The following SCAMP4 variants were observed in gnomAD, a reference collection of about 807,000 sequenced individuals.
SCAMP4 encodes secretory carrier-associated membrane protein 4.
In SCAMP4, 19 loss-of-function variants were observed where a neutral mutation model predicts 32.1. That is an observed-to-expected ratio of 0.59 (90% CI 0.41 to 0.87). The LOEUF (loss-of-function observed/expected upper bound fraction) is 0.87. SCAMP4 is among the 40% of genes least tolerant of loss of function. SCAMP4 has a pLI of 0.00. For missense variants in SCAMP4, 302 were observed against 309.0 expected (o/e 0.98, Z 0.17); for synonymous variants, 152 against 132.7 (o/e 1.15, Z -1.00).
intron 2 of SCAMP4, among the ~76,000 whole-genome samples, chr19:1,916,439 G>A (rs1487828571): frequency 2.0e-5 from 3 of 152,104 alleles, no homozygotes; most frequent in East Asian, 1.9e-4. Context: ...CTCCAGGACT[G>A]TTAGCAGATA....
intron 5 of SCAMP4, chr19:1,920,612 C>T: frequency 2.0e-6 from 2 of 985,516 alleles, no homozygotes; most frequent in Non-Finnish European, 2.4e-6. Flanking sequence ...GGACTCCCAG[C>T]TCTGCCAGCC....
chr19:1,922,062 C>T (rs183332056), intron 5 of SCAMP4: 156 of 985,444 alleles, frequency 1.6e-4, no homozygotes, highest in East Asian at 6.8e-4. Flanking sequence ...GACTGTACGT[C>T]GTGCCTGCCT....
In SCAMP4 at chr19:1,921,236, G is replaced by A. The variant is rs1387440969; in HGVS notation, c.396-1834G>A. 4 of 985,054 alleles carry A rather than the reference G, an allele frequency of 4.1e-6. No individual in the cohort carries two copies. In the East Asian group the frequency reaches 3.4e-4, roughly 84 times the overall value. The allele number at this position is 985,054 out of a possible 1,614,324, so 61.0% of individuals were successfully genotyped here. On this transcript the variant is annotated intron_variant, in intron 5 of 6. Coordinates refer to ENST00000316097, the MANE Select transcript of SCAMP4 (RefSeq NM_079834.4). ...CACACACTCTGTGCACTGCTGTGGG[G>A]CAAGAGGCGACAGCCCCGCTCTCCC...
At chr19:1,912,025 C>T (rs1039219023) in intron 1 of SCAMP4, 1 of 1,417,798 alleles carries the variant, frequency 7.1e-7, no homozygotes, top group Non-Finnish European at 9.2e-7. Flanking sequence ...CCCGGCTCTC[C>T]CCCAGCCGCC....
rs151017829 is a variant in SCAMP4, at chr19:1,920,860, C to T, written c.395+1870C>T. On this transcript the variant is annotated intron_variant, in intron 5 of 6. Coordinates refer to ENST00000316097, the MANE Select transcript of SCAMP4 (RefSeq NM_079834.4). ...TGAGATCCCGGCATGAGGTGAGTGC[C>T]CACATGTGACCCTCAGAGACCTCCC... The T allele has an allele frequency of 1.2e-3, 1,178 of 985,484 alleles. 1 individual carries two copies. Among genetic ancestry groups the T allele is most frequent in the Non-Finnish European group, 1.3e-3 (1,119 of 829,992 alleles). 61.0% of individuals were successfully genotyped at this position (985,484 alleles called of 1,614,324 possible).
chr19:1,913,063 T>C (rs2013580170), intron 1 of SCAMP4: 1 of 1,602,688 alleles, frequency 6.2e-7, no homozygotes. Context: ...CGCTTCCGCA[T>C]CCACGCACGG....
In SCAMP4 at chr19:1,911,562, C is replaced by T. The variant is rs192209722; in HGVS notation, c.-41-3417C>T. Among the ~76,000 whole-genome samples, 58 of 152,310 alleles carry T rather than the reference C, an allele frequency of 3.8e-4. 2 individuals are homozygous for T. In the East Asian group the frequency reaches 7.7e-3, roughly 20 times the overall value. ...CCACCAGGTTGAAGCGGGTGGATCA[C>T]GTGAGGTTAGGAGTTCGAGACCAGC... is the stretch of plus-strand genomic sequence containing the variant. On this transcript the variant is annotated intron_variant, in intron 1 of 6. Transcript: ENST00000316097.
chr19:1,923,255 C>A, intron 6 of SCAMP4, 68 bp downstream of exon 6: 2 of 1,381,568 alleles, frequency 1.4e-6, no homozygotes, highest in Non-Finnish European at 2.0e-6. Flanking sequence ...CCAACTGTCC[C>A]AGGTGGGTGA....
chr19:1,915,000 C>T lies in SCAMP4; in HGVS notation c.-20C>T, dbSNP rs374528222. Reference sequence around the variant, plus strand: ...CCAGGCGGCTGCAGGCTTCAGCCTGCGCTGGTTGGTGAAACAGAGATGTCA... The same window carrying T: ...CCAGGCGGCTGCAGGCTTCAGCCTGTGCTGGTTGGTGAAACAGAGATGTCA... On this transcript the variant is annotated 5_prime_UTR_variant, in exon 2 of 7. Transcript: ENST00000316097. The T allele has an allele frequency of 1.3e-5, 21 of 1,613,726 alleles. No homozygotes were observed. The highest frequency in any genetic ancestry group is 1.7e-5 in the Admixed American group (1 of 59,994).
At chr19:1,907,308 C>T (rs1223583465) in intron 1 of SCAMP4, 4 of 151,558 alleles carry the variant, frequency 2.6e-5, no homozygotes, top group South Asian at 2.1e-4. Context: ...TCACTGCCTC[C>T]GAGGAGCCCT....
chr19:1,924,135 G>A lies in SCAMP4; in HGVS notation c.541G>A (p.Gly181Arg), dbSNP rs201067147. The A allele has an allele frequency of 1.9e-5, 31 of 1,610,820 alleles. No homozygotes were observed. Among genetic ancestry groups the A allele is most frequent in the Middle Eastern group, 1.7e-4 (1 of 6,052 alleles). The change falls in exon 7 of 7, where the codon GGA becomes AGA. Residue 181 changes from glycine to arginine, a missense_variant. Coordinates refer to ENST00000316097, the MANE Select transcript of SCAMP4 (RefSeq NM_079834.4). The stretch of plus-strand genomic sequence containing the variant: ...GCACAGGATCTACCGAGGGGCTGGC[G>A]GAAGCTTCCAGAAGGCACAGACGGA... ...KVHRIYRGAG[G>R]SFQKAQTEWN...
chr19:1,924,126 G>C lies in SCAMP4; in HGVS notation c.532G>C (p.Gly178Arg). Residue 178 changes from glycine to arginine, a missense_variant, in exon 7 of 7, where the codon GGG (glycine) becomes CGG (arginine). Transcript: ENST00000316097. The stretch of plus-strand genomic sequence containing the variant: ...CTTGCAGGTGCACAGGATCTACCGA[G>C]GGGCTGGCGGAAGCTTCCAGAAGGC... ...AIMKVHRIYR[G>R]AGGSFQKAQT... 6.2e-7 allele frequency: 1 copy of C among 1,610,622 alleles called. No homozygotes were observed. The highest frequency in any genetic ancestry group is 1.1e-5 in the South Asian group (1 of 90,504).
intron 5 of SCAMP4, chr19:1,921,696 G>A: frequency 1.0e-6 from 1 of 985,334 alleles, no homozygotes; most frequent in Non-Finnish European, 1.2e-6. Context: ...AAATAAAAGA[G>A]GCCAGGCATG....
At position 1,912,143 on chromosome 19, in the gene SCAMP4, C is replaced by T. The variant is rs1312775808; in HGVS notation, c.-41-2836C>T. Reference sequence around the variant, plus strand: ...TGGAGCAGCCCAAGTGCTTGGAGGCCGGGAGCCCGGAGCCTGAGCCGGCGC... The same window carrying T: ...TGGAGCAGCCCAAGTGCTTGGAGGCTGGGAGCCCGGAGCCTGAGCCGGCGC... On this transcript the variant is annotated intron_variant, in intron 1 of 6. Transcript: ENST00000316097. 5 of 1,560,816 alleles carry T rather than the reference C, an allele frequency of 3.2e-6. No individual in the cohort carries two copies. The African/African-American group carries it at 4.1e-5, about 13-fold the overall frequency.
At chr19:1,922,851 CA>C (rs781061284) in intron 5 of SCAMP4, 14 of 1,276,206 alleles carry the variant, frequency 1.1e-5, no homozygotes, top group Non-Finnish European at 1.4e-5. Flanking sequence ...ACACGCGGCT[CA>C]CTGCTGCGAT....
At chr19:1,918,367 G>A (rs1426714747) in intron 4 of SCAMP4, 84 bp downstream of exon 4, 1 of 1,385,706 alleles carries the variant, frequency 7.2e-7, no homozygotes, top group East Asian at 2.5e-5. Context: ...GCTGTGAGGA[G>A]CTGTCCCTTT....
At chr19:1,912,859 C>A (rs749794377) in intron 1 of SCAMP4, 5 of 1,598,774 alleles carry the variant, frequency 3.1e-6, no homozygotes, top group East Asian at 4.5e-5. Context: ...GCCCCGGCCG[C>A]TGCCCCCCAG....
At chr19:1,913,245 C>T in intron 1 of SCAMP4, 1 of 1,437,612 alleles carries the variant, frequency 7.0e-7, no homozygotes, top group South Asian at 1.5e-5. Context: ...ACAAGCCTGA[C>T]CGTGGATTTC....
chr19:1,917,567 C>T, intron 2 of SCAMP4, 127 bp from the exon 3 acceptor site: 1 of 996,846 alleles, frequency 1.0e-6, no homozygotes, highest in Admixed American at 2.2e-5. Flanking sequence ...CAGCGTCCTG[C>T]CCTCAATCCC....
Sources: gnomAD v4.1 joint callset for allele counts (sites outside exome capture counted in the v4.1 genomes callset) on GRCh38, gnomAD v4.1.1 for gene constraint, MANE v1.5 for transcripts, NCBI Gene and HGNC (gene_info 2026-07-23, HGNC 2026-07-21) for gene names.